Variants in ERBB4 observed in about 807,000 individuals in gnomAD.
The protein encoded by ERBB4 is erb-b2 receptor tyrosine kinase 4.
A neutral mutation model predicts 158.0 loss-of-function variants in ERBB4; 42 were observed. The ratio of observed to expected loss-of-function variants is 0.27; its 90% confidence interval spans 0.21 to 0.34. The LOEUF (loss-of-function observed/expected upper bound fraction) is 0.34, where lower values mean the gene tolerates loss of function less well. ERBB4 is among the 10% of genes least tolerant of loss of function. The probability of loss-of-function intolerance (pLI) is 1.00; values close to 1 mark genes in which losing one functional copy is unlikely to be tolerated. For missense variants in ERBB4, 1,333 were observed against 1,624.1 expected, an observed-to-expected ratio of 0.82 and a Z score of 3.08; for synonymous variants, 583 against 558.7, an observed-to-expected ratio of 1.04 and a Z score of -0.61.
intron 22 of ERBB4, among the ~76,000 whole-genome samples, chr2:211,426,799 A>C (rs1332537745): frequency 4.6e-5 from 7 of 151,088 alleles, no homozygotes. Context: ...CATATATAAA[A>C]TATACTATAT....
chr2:212,230,737 C>G (rs1255935216), intron 1 of ERBB4, among the ~76,000 whole-genome samples: 2 of 152,102 alleles, frequency 1.3e-5, no homozygotes, highest in African/African-American at 2.4e-5. Context: ...TCTCCATCTG[C>G]CCATTCATCT....
At chr2:211,864,049 C>G (rs983225914) in intron 3 of ERBB4, among the ~76,000 whole-genome samples, 5 of 152,194 alleles carry the variant, frequency 3.3e-5, no homozygotes, top group Admixed American at 6.5e-5. Flanking sequence ...GCCAAGACCA[C>G]TAGGCCTGCC....
chr2:211,458,658 G>T (rs905781577), intron 20 of ERBB4, among the ~76,000 whole-genome samples: 3 of 152,100 alleles, frequency 2.0e-5, no homozygotes, highest in Non-Finnish European at 4.4e-5. Context: ...CAAGAGATGA[G>T]CAAAGCTTTC....
intron 4 of ERBB4, among the ~76,000 whole-genome samples, chr2:211,775,760 T>C (rs753308370): frequency 1.3e-5 from 2 of 152,228 alleles, no homozygotes; most frequent in Non-Finnish European, 2.9e-5. Flanking sequence ...GCTCTTGGTT[T>C]ACTGCTAAAT....
At chr2:212,204,496 G>A (rs927615576) in intron 1 of ERBB4, among the ~76,000 whole-genome samples, 4 of 151,920 alleles carry the variant, frequency 2.6e-5, no homozygotes, top group Non-Finnish European at 4.4e-5. Flanking sequence ...CCAGGAGTTC[G>A]AAACAAGCCT....
At chr2:211,798,560 C>T (rs1183377560) in intron 3 of ERBB4, among the ~76,000 whole-genome samples, 2 of 152,052 alleles carry the variant, frequency 1.3e-5, no homozygotes, top group Non-Finnish European at 2.9e-5. Flanking sequence ...ACTCCAGTTA[C>T]ATACTAGGTG....
rs1277821976 is a variant in ERBB4, at chr2:211,482,101, A to G, written c.2488-51001T>C. The stretch of plus-strand genomic sequence containing the variant: ...AGAGAAGGCAAAGCAAGTGGAGTTC[A>G]CAGGGCAACAGAGACATAGAATAGG... On this transcript the variant is annotated intron_variant, in intron 20 of 27. Coordinates refer to ENST00000342788, the MANE Select transcript of ERBB4 (RefSeq NM_005235.3). 2.0e-5 allele frequency among the ~76,000 whole-genome samples: 3 copies of G among 152,184 alleles called. No individual in the cohort carries two copies. In the East Asian group the frequency reaches 5.8e-4, roughly 29 times the overall value.
chr2:211,532,628 A>G (rs1478926674), intron 20 of ERBB4, among the ~76,000 whole-genome samples: 1 of 152,022 alleles, frequency 6.6e-6, no homozygotes, highest in East Asian at 1.9e-4. Context: ...CCACAATCAA[A>G]TGGGGATCTC....
At chr2:211,949,215 A>G (rs555619057) in intron 2 of ERBB4, among the ~76,000 whole-genome samples, 40 of 152,230 alleles carry the variant, frequency 2.6e-4, no homozygotes, top group African/African-American at 8.9e-4. Flanking sequence ...CCTGATCCCT[A>G]TGGTGTATTC....
intron 3 of ERBB4, among the ~76,000 whole-genome samples, chr2:211,820,005 C>T (rs1397762399): frequency 2.0e-5 from 3 of 151,806 alleles, no homozygotes; most frequent in Admixed American, 6.6e-5. Context: ...AGCAAAATGA[C>T]ACATTGACTA....
intron 2 of ERBB4, among the ~76,000 whole-genome samples, chr2:212,013,891 C>T (rs1156846790): frequency 1.3e-5 from 2 of 152,210 alleles, no homozygotes; most frequent in Non-Finnish European, 2.9e-5. Context: ...GCCTGAAGAA[C>T]CCTGAGAGAA....
In ERBB4 at chr2:212,538,523, G is replaced by C; in HGVS notation, c.8C>G (p.Pro3Arg). Residue 3 changes from proline (P) to arginine (R), a missense_variant, in exon 1 of 28, where the codon CCG becomes CGG. Around this residue, in one of 5 missense-constraint regions of ERBB4, gnomAD observed 438 missense variants for 586.9 expected, o/e 0.75. Transcript: ENST00000342788. MK[P>R]ATGLWVWVSL... Reference sequence around the variant, plus strand: ...CACCCAGACCCAAAGTCCTGTCGCCGGCTTCATTTTTTGGAAGTCTCAGAT... The same window carrying C: ...CACCCAGACCCAAAGTCCTGTCGCCCGCTTCATTTTTTGGAAGTCTCAGAT... The C allele has an allele frequency of 1.2e-6, 2 of 1,614,024 alleles. No homozygotes were observed. Among genetic ancestry groups the C allele is most frequent in the Non-Finnish European group, 1.7e-6 (2 of 1,179,904 alleles).
chr2:211,861,156 T>TA (rs1559586382), intron 3 of ERBB4, among the ~76,000 whole-genome samples: 11 of 28,454 alleles, frequency 3.9e-4, no homozygotes, highest in African/African-American at 9.9e-4. Context: ...ATATATATAT[T>TA]AAAAAAAAGT....
chr2:211,651,583 A>G (rs530441057), intron 16 of ERBB4, among the ~76,000 whole-genome samples: 18 of 152,040 alleles, frequency 1.2e-4, no homozygotes, highest in Non-Finnish European at 2.1e-4. Flanking sequence ...CAAGGGCCTG[A>G]CTTAATTCCA....
intron 5 of ERBB4, among the ~76,000 whole-genome samples, chr2:211,745,723 AC>A (rs66672901): frequency 0.24 from 31,375 of 132,054 alleles, 3,638 homozygotes; most frequent in Non-Finnish European, 0.32. Flanking sequence ...CAGAAAAAAA[AC>A]AAAAACAAAA....
chr2:211,589,847 T>C (rs902622787), intron 19 of ERBB4, among the ~76,000 whole-genome samples: 1 of 152,172 alleles, frequency 6.6e-6, no homozygotes, highest in Admixed American at 6.5e-5. Flanking sequence ...AAAACATCTA[T>C]GTCCAATTAT....
intron 1 of ERBB4, among the ~76,000 whole-genome samples, chr2:212,217,020 C>T (rs2083121515): frequency 6.6e-6 from 1 of 151,450 alleles, no homozygotes; most frequent in Non-Finnish European, 1.5e-5. Flanking sequence ...ATCAAGGCAT[C>T]TGGTCTGTAA....
chr2:211,387,856 ATG>A (rs2062718770), intron 26 of ERBB4, 87 bp downstream of exon 26: 1 of 1,041,328 alleles, frequency 9.6e-7, no homozygotes, highest in Non-Finnish European at 1.5e-6. Flanking sequence ...CAAAGGCAAA[ATG>A]AGGAAATTAT....
chr2:212,503,676 T>C (rs1259779502), intron 1 of ERBB4, among the ~76,000 whole-genome samples: 1 of 152,234 alleles, frequency 6.6e-6, no homozygotes, highest in African/African-American at 2.4e-5. Flanking sequence ...GTAACAATGC[T>C]GACAAGTACA....
Sources: allele counts gnomAD v4.1 joint callset (sites outside exome capture counted in the v4.1 genomes callset), GRCh38; gene constraint gnomAD v4.1.1; regional missense constraint gnomAD v4.1.1; transcripts MANE v1.5; gene names NCBI Gene and HGNC (gene_info 2026-07-23, HGNC 2026-07-21).